The following YPEL2 variants were observed in gnomAD, a reference collection of about 807,000 sequenced individuals.
YPEL2 encodes yippee like 2.
Under a neutral mutation model 19.1 loss-of-function variants are expected in YPEL2, and 2 were observed. The ratio of observed to expected loss-of-function variants is 0.10; its 90% CI spans 0.04 to 0.33. The LOEUF (loss-of-function observed/expected upper bound fraction) is 0.33, where lower values mean the gene tolerates loss of function less well. Ranked by LOEUF, YPEL2 falls within the 10% of genes least tolerant of loss-of-function variation. The pLI is 1.00. For missense variants in YPEL2, 66 were observed against 140.7 expected (o/e 0.47, Z 2.68); for synonymous variants, 52 against 50.0 (o/e 1.04, Z -0.17).
chr17:59,340,478 C>T (rs1232565906), intron 1 of YPEL2, among the ~76,000 whole-genome samples: 33 of 148,830 alleles, frequency 2.2e-4, no homozygotes, highest in Admixed American at 1.8e-3. Flanking sequence ...TGCAGTGGTG[C>T]GATCTCAGCT....
intron 2 of YPEL2, among the ~76,000 whole-genome samples, chr17:59,360,113 G>A (rs1018735304): frequency 6.6e-6 from 1 of 152,194 alleles, no homozygotes; most frequent in African/African-American, 2.4e-5. Flanking sequence ...ATCTTGCACT[G>A]TTGCCCAGGC....
At chr17:59,391,910 CA>C (rs35971375) in intron 4 of YPEL2, among the ~76,000 whole-genome samples, 95,574 of 146,498 alleles carry the variant, frequency 0.65, 32,145 homozygotes, top group African/African-American at 0.85. Flanking sequence ...AAAAAACAAG[CA>C]AAAAAAAAAA....
intron 1 of YPEL2, among the ~76,000 whole-genome samples, chr17:59,339,747 G>C (rs966443509): frequency 2.0e-5 from 3 of 152,022 alleles, no homozygotes; most frequent in Non-Finnish European, 4.4e-5. Context: ...TGTGATCTTG[G>C]GCAAATTGTT....
At chr17:59,332,993 A>G (rs1215159522) in intron 1 of YPEL2, among the ~76,000 whole-genome samples, 1 of 152,182 alleles carries the variant, frequency 6.6e-6, no homozygotes, top group Admixed American at 6.5e-5. Flanking sequence ...CAAGAAGGGT[A>G]GCGGTCAGCT....
chr17:59,377,762 T>C (rs1170843131), intron 2 of YPEL2, among the ~76,000 whole-genome samples: 1 of 152,176 alleles, frequency 6.6e-6, no homozygotes, highest in East Asian at 1.9e-4. Flanking sequence ...GAGGAGCTTA[T>C]GGGGTCTAAG....
At chr17:59,363,581 G>A (rs2047852916) in intron 2 of YPEL2, among the ~76,000 whole-genome samples, 1 of 152,204 alleles carries the variant, frequency 6.6e-6, no homozygotes, top group African/African-American at 2.4e-5. Flanking sequence ...CCAAAATGCT[G>A]GGATTACAGG....
chr17:59,358,710 AGCGATTCTCCT>A (rs1287947863), intron 2 of YPEL2, among the ~76,000 whole-genome samples: 4 of 152,064 alleles, frequency 2.6e-5, no homozygotes, highest in African/African-American at 9.7e-5. Flanking sequence ...CCCAGGTTCA[AGCGATTCTCCT>A]GCCTCAGCCT....
rs983910394 is a variant in YPEL2, at chr17:59,331,709, G to C, written c.-311G>C. On this transcript the variant is annotated 5_prime_UTR_variant, in exon 1 of 5. Coordinates refer to ENST00000312655, the MANE Select transcript of YPEL2 (RefSeq NM_001005404.4). ...GAGTGGCGGCCGCGGCGGTGGCGGA[G>C]ACTGTGGCTTTAAGAGCGTGCCGGG... The C allele has an allele frequency of 4.6e-5, 7 of 153,228 alleles. No individual in the cohort carries two copies. The highest frequency in any genetic ancestry group is 1.7e-4 in the African/African-American group (7 of 41,470). 9.5% of individuals were successfully genotyped at this position (153,228 alleles called of 1,614,324 possible). A position where few individuals can be genotyped will look rare whatever the true frequency, so the allele number is the denominator to read the frequency against.
At chr17:59,380,121 A>G (rs1458817156) in intron 2 of YPEL2, among the ~76,000 whole-genome samples, 1 of 150,726 alleles carries the variant, frequency 6.6e-6, no homozygotes, top group Non-Finnish European at 1.5e-5. Context: ...CAGGCTCCCA[A>G]AGTGCTGGGA....
intron 2 of YPEL2, among the ~76,000 whole-genome samples, chr17:59,358,888 G>A (rs150608194): frequency 1.8e-3 from 278 of 150,586 alleles, no homozygotes; most frequent in African/African-American, 5.8e-3. Context: ...GATTACAGGC[G>A]TGAGCCACTG....
At chr17:59,389,970 A>G (rs988811313) in intron 4 of YPEL2, among the ~76,000 whole-genome samples, 3 of 152,106 alleles carry the variant, frequency 2.0e-5, no homozygotes, top group African/African-American at 7.2e-5. Flanking sequence ...CACAGAGCCC[A>G]TGCTGTTTTT....
intron 2 of YPEL2, among the ~76,000 whole-genome samples, chr17:59,380,838 T>A (rs1263556119): frequency 6.6e-6 from 1 of 152,216 alleles, no homozygotes; most frequent in East Asian, 1.9e-4. Context: ...CTGGAAAGTA[T>A]CATTGGGAGC....
At chr17:59,395,592 C>T (rs2048034767) in intron 4 of YPEL2, among the ~76,000 whole-genome samples, 1 of 152,128 alleles carries the variant, frequency 6.6e-6, no homozygotes, top group Non-Finnish European at 1.5e-5. Flanking sequence ...TGACGTTCTC[C>T]CTCTGGGGGC....
chr17:59,346,933 A>G (rs2047759298), intron 1 of YPEL2, among the ~76,000 whole-genome samples: 1 of 152,180 alleles, frequency 6.6e-6, no homozygotes, highest in South Asian at 2.1e-4. Flanking sequence ...GGGGACCTAC[A>G]AGGAGTGGTA....
rs2048062301 is a variant in YPEL2, at chr17:59,400,015, ACT to A, written c.*2830_*2831del. ...TTTGGAACTGAAGTCCAGCCAGCAG[ACT>A]CTCTAGCTCCATCTCCCCTGTGCCA... On this transcript the variant is annotated 3_prime_UTR_variant, in exon 5 of 5. Coordinates refer to ENST00000312655, the MANE Select transcript of YPEL2 (RefSeq NM_001005404.4). 1 of 152,424 alleles carries A rather than the reference ACT, an allele frequency of 6.6e-6. No individual in the cohort carries two copies. The highest frequency in any genetic ancestry group is 6.6e-5 in the Admixed American group (1 of 15,236). 9.4% of individuals were successfully genotyped at this position (152,424 alleles called of 1,614,324 possible).
chr17:59,338,327 A>G (rs981961013), intron 1 of YPEL2, among the ~76,000 whole-genome samples: 3 of 152,208 alleles, frequency 2.0e-5, no homozygotes, highest in Non-Finnish European at 4.4e-5. Flanking sequence ...GTTCAGTTGC[A>G]CCAGAGAAAG....
At chr17:59,372,440 A>G (rs1411407998) in intron 2 of YPEL2, among the ~76,000 whole-genome samples, 4 of 152,156 alleles carry the variant, frequency 2.6e-5, no homozygotes, top group Admixed American at 6.5e-5. Flanking sequence ...TACAAAAAGC[A>G]TGGCTTGCTG....
intron 1 of YPEL2, among the ~76,000 whole-genome samples, chr17:59,333,238 A>G (rs1598020184): frequency 6.6e-6 from 1 of 152,198 alleles, no homozygotes; most frequent in African/African-American, 2.4e-5. Context: ...CAGCCTGGGG[A>G]GAGCTGTGCA....
intron 1 of YPEL2, among the ~76,000 whole-genome samples, chr17:59,340,904 G>A (rs1297107327): frequency 7.4e-5 from 11 of 149,206 alleles, no homozygotes; most frequent in East Asian, 6.2e-4. Context: ...TAGTAGAGAC[G>A]GGGTTTCGCC....
Sources: allele counts gnomAD v4.1 joint callset (sites outside exome capture counted in the v4.1 genomes callset), GRCh38; gene constraint gnomAD v4.1.1; transcripts MANE v1.5; gene names NCBI Gene and HGNC (gene_info 2026-07-23, HGNC 2026-07-21).